Variants in SIPA1L2 observed in about 807,000 individuals in gnomAD.
SIPA1L2 encodes the protein signal-induced proliferation-associated 1-like protein 2.
A neutral mutation model predicts 163.9 loss-of-function variants in SIPA1L2; 56 were observed. The observed-to-expected ratio is 0.34, with a 90% confidence interval of 0.28 to 0.43. The LOEUF (loss-of-function observed/expected upper bound fraction) is 0.43, where lower values mean the gene tolerates loss of function less well. SIPA1L2 is among the 20% of genes least tolerant of loss of function. SIPA1L2 has a pLI of 1.00. For missense variants in SIPA1L2, 1,974 were observed against 2,193.5 expected, an observed-to-expected ratio of 0.90 and a Z score of 2.00; for synonymous variants, 877 against 865.7, an observed-to-expected ratio of 1.01 and a Z score of -0.23.
intron 1 of SIPA1L2, among the ~76,000 whole-genome samples, chr1:232,624,335 A>G (rs1475065199): frequency 6.6e-6 from 1 of 152,256 alleles, no homozygotes; most frequent in Non-Finnish European, 1.5e-5. Context: ...AAACTTCAAT[A>G]CGGAGAGGAC....
intron 3 of SIPA1L2, among the ~76,000 whole-genome samples, chr1:232,504,436 GC>G (rs755970227): frequency 1.6e-4 from 25 of 152,052 alleles, no homozygotes; most frequent in Non-Finnish European, 3.2e-4. Context: ...TACTCGGGAG[GC>G]TGAGGCACGA....
intron 22 of SIPA1L2, 116 bp downstream of exon 22, chr1:232,402,276 T>C (rs1020364846): frequency 1.3e-6 from 1 of 765,206 alleles, no homozygotes; most frequent in Middle Eastern, 2.7e-4. Flanking sequence ...GTATTTATCA[T>C]TGGTTTTTGT....
At chr1:232,425,097 G>A (rs910549433) in intron 18 of SIPA1L2, among the ~76,000 whole-genome samples, 1 of 152,050 alleles carries the variant, frequency 6.6e-6, no homozygotes, top group Non-Finnish European at 1.5e-5. Context: ...ACACAAAGCC[G>A]CCCACGGGTA....
At chr1:232,541,236 ATAACATAACAT>A (rs1657643055) in intron 2 of SIPA1L2, among the ~76,000 whole-genome samples, 1 of 138,814 alleles carries the variant, frequency 7.2e-6, no homozygotes, top group Admixed American at 7.1e-5. Flanking sequence ...ATCACATCAC[ATAACATAACAT>A]TAACATAACA....
intron 19 of SIPA1L2, among the ~76,000 whole-genome samples, chr1:232,411,768 T>A (rs1260140930): frequency 6.6e-6 from 1 of 152,208 alleles, no homozygotes; most frequent in African/African-American, 2.4e-5. Context: ...TAGTCCAGAT[T>A]TACAAAGCAT....
At chr1:232,485,128 TAG>T (rs1665581260) in intron 5 of SIPA1L2, among the ~76,000 whole-genome samples, 2 of 152,200 alleles carry the variant, frequency 1.3e-5, no homozygotes, top group African/African-American at 4.8e-5. Context: ...GTTGAGCAGG[TAG>T]AGTCAACTAC....
At chr1:232,435,900 A>G (rs191425790) in intron 15 of SIPA1L2, among the ~76,000 whole-genome samples, 18 of 152,260 alleles carry the variant, frequency 1.2e-4, no homozygotes, top group African/African-American at 1.9e-4. Context: ...CCTCCTTAGT[A>G]CAATCTTGGA....
Position 232,588,041 on chromosome 1 carries a change from G to A in SIPA1L2, c.-318-13819C>T, listed in dbSNP as rs147626206. ...CTCGGGTATGTCTTTATCAGCAGCA[G>A]GAAAACGGACTAATACAATGGAGAA... On this transcript the variant is annotated intron_variant, in intron 1 of 22. Transcript: ENST00000674635. 5.7e-4 allele frequency among the ~76,000 whole-genome samples: 87 copies of A among 152,244 alleles called. 1 individual carries two copies. In the East Asian group the frequency reaches 0.017, roughly 29 times the overall value.
chr1:232,414,996 A>T (rs1661164410), intron 19 of SIPA1L2, among the ~76,000 whole-genome samples: 1 of 152,206 alleles, frequency 6.6e-6, no homozygotes, highest in African/African-American at 2.4e-5. Context: ...TAAGAGGAAG[A>T]AGCCGAGGCC....
chr1:232,554,112 C>T (rs1573074096), intron 2 of SIPA1L2, among the ~76,000 whole-genome samples: 1 of 152,156 alleles, frequency 6.6e-6, no homozygotes, highest in East Asian at 1.9e-4. Flanking sequence ...ATTTTTTCCA[C>T]CAGAGTAACT....
intron 2 of SIPA1L2, among the ~76,000 whole-genome samples, chr1:232,572,734 CATACATATAT>C (rs1195442875): frequency 8.6e-4 from 58 of 67,318 alleles, no homozygotes; most frequent in African/African-American, 2.7e-3. Flanking sequence ...TATATACATA[CATACATATAT>C]ATATATATAT....
chr1:232,601,751 A>G (rs1314694025), intron 1 of SIPA1L2, among the ~76,000 whole-genome samples: 4 of 152,210 alleles, frequency 2.6e-5, no homozygotes, highest in Admixed American at 2.0e-4. Flanking sequence ...AAAGGTAACA[A>G]TTTTACTTGT....
intron 19 of SIPA1L2, among the ~76,000 whole-genome samples, chr1:232,406,139 A>C (rs575892441): frequency 6.6e-6 from 1 of 152,366 alleles, no homozygotes; most frequent in South Asian, 2.1e-4. Flanking sequence ...GACAGTTTCC[A>C]GTGGAAGCTT....
intron 18 of SIPA1L2, among the ~76,000 whole-genome samples, chr1:232,416,426 T>C (rs903451075): frequency 6.6e-6 from 1 of 152,220 alleles, no homozygotes; most frequent in Non-Finnish European, 1.5e-5. Flanking sequence ...ACTATTGTAA[T>C]TTCGCGGTTT....
intron 3 of SIPA1L2, among the ~76,000 whole-genome samples, chr1:232,505,629 C>G (rs1362942537): frequency 6.6e-6 from 1 of 152,162 alleles, no homozygotes; most frequent in Non-Finnish European, 1.5e-5. Context: ...GGCACCTCTG[C>G]AAGAGAGAAA....
chr1:232,627,300 A>C (rs1663129573), intron 1 of SIPA1L2, among the ~76,000 whole-genome samples: 1 of 152,254 alleles, frequency 6.6e-6, no homozygotes, highest in South Asian at 2.1e-4. Flanking sequence ...CCTTTAAACT[A>C]GTTTCGATGC....
At chr1:232,590,902 C>G (rs1014290442) in intron 1 of SIPA1L2, among the ~76,000 whole-genome samples, 4 of 152,164 alleles carry the variant, frequency 2.6e-5, no homozygotes, top group African/African-American at 4.8e-5. Flanking sequence ...GCAGACAATA[C>G]AAACAGGAAG....
chr1:232,548,781 A>T (rs1169690668), intron 2 of SIPA1L2, among the ~76,000 whole-genome samples: 2 of 152,188 alleles, frequency 1.3e-5, no homozygotes, highest in African/African-American at 4.8e-5. Context: ...CTGTGAGGAC[A>T]GGACAGAACA....
intron 1 of SIPA1L2, among the ~76,000 whole-genome samples, chr1:232,600,750 C>T (rs912229904): frequency 2.0e-5 from 3 of 152,118 alleles, no homozygotes; most frequent in Non-Finnish European, 4.4e-5. Flanking sequence ...CCACCCCCTG[C>T]CCCTCAGCAC....
Sources: gnomAD v4.1 joint callset for allele counts (sites outside exome capture counted in the v4.1 genomes callset) on GRCh38, gnomAD v4.1.1 for gene constraint, MANE v1.5 for transcripts, NCBI Gene and HGNC (gene_info 2026-07-23, HGNC 2026-07-21) for gene names.